Variants in PSD3 observed in about 807,000 individuals in gnomAD.
The protein encoded by PSD3 is PH and SEC7 domain-containing protein 3.
PSD3 carries 49 observed loss-of-function variants against 105.5 expected under a neutral mutation model. The ratio of observed to expected loss-of-function variants is 0.46; its 90% CI spans 0.37 to 0.59. PSD3 has a LOEUF of 0.59. PSD3 is among the 20% of genes least tolerant of loss of function. The probability of loss-of-function intolerance (pLI) is 0.00; values close to 1 mark genes in which losing one functional copy is unlikely to be tolerated. For missense variants in PSD3, 1,561 were observed against 1,263.8 expected (o/e 1.24, Z -3.57); for synonymous variants, 557 against 457.8 (o/e 1.22, Z -2.77).
intron 1 of PSD3, among the ~76,000 whole-genome samples, chr8:18,999,008 G>A (rs1586604753): frequency 6.6e-6 from 1 of 151,948 alleles, no homozygotes; most frequent in Non-Finnish European, 1.5e-5. Context: ...CCAGGTGAAA[G>A]GAAAGCAAAA....
chr8:18,695,945 CG>C (rs1471682574), intron 9 of PSD3, among the ~76,000 whole-genome samples: 1 of 152,148 alleles, frequency 6.6e-6, no homozygotes, highest in East Asian at 1.9e-4. Context: ...GTAACAGGAA[CG>C]GGGGGAATGC....
intron 9 of PSD3, among the ~76,000 whole-genome samples, chr8:18,693,344 G>A (rs556606713): frequency 2.0e-5 from 3 of 152,324 alleles, no homozygotes; most frequent in Non-Finnish European, 2.9e-5. Flanking sequence ...TAAGGCGGCA[G>A]CAAAGCGCAA....
chr8:18,989,126 G>C (rs1178229556), intron 1 of PSD3, among the ~76,000 whole-genome samples: 2 of 152,220 alleles, frequency 1.3e-5, no homozygotes, highest in Non-Finnish European at 2.9e-5. Context: ...AGATGACAAA[G>C]GCCATGAATG....
At chr8:18,572,775 T>C in intron 13 of PSD3, 103 bp from the exon 14 acceptor site, 1 of 1,294,220 alleles carries the variant, frequency 7.7e-7, no homozygotes, top group Non-Finnish European at 1.1e-6. Context: ...GTGAAAATCA[T>C]TTACTCCTCC....
intron 4 of PSD3, among the ~76,000 whole-genome samples, chr8:18,831,737 GAAATA>G (rs1177625013): frequency 2.6e-5 from 4 of 151,944 alleles, no homozygotes; most frequent in Non-Finnish European, 4.4e-5. Flanking sequence ...ATAAACAAAT[GAAATA>G]AAATAAACAA....
chr8:19,051,214 G>C (rs1394863519), intron 1 of PSD3, among the ~76,000 whole-genome samples: 2 of 152,022 alleles, frequency 1.3e-5, no homozygotes, highest in East Asian at 1.9e-4. Context: ...TCCCAATCGG[G>C]GGATGCTCAT....
At chr8:18,986,900 G>A (rs1490219901) in intron 1 of PSD3, among the ~76,000 whole-genome samples, 3 of 152,070 alleles carry the variant, frequency 2.0e-5, no homozygotes, top group Non-Finnish European at 2.9e-5. Context: ...CTCACACACC[G>A]TGGGCCTACT....
chr8:18,621,425 T>G (rs796817064), intron 11 of PSD3, among the ~76,000 whole-genome samples: 7 of 152,144 alleles, frequency 4.6e-5, no homozygotes, highest in African/African-American at 1.4e-4. Context: ...AGACTATTGC[T>G]CCTGATGAGA....
intron 1 of PSD3, among the ~76,000 whole-genome samples, chr8:19,034,529 A>G (rs559175235): frequency 2.0e-5 from 3 of 152,310 alleles, no homozygotes; most frequent in East Asian, 1.9e-4. Flanking sequence ...CCTTTTAAAG[A>G]CAAATACTAT....
At chr8:19,060,367 A>G (rs922104751) in intron 1 of PSD3, among the ~76,000 whole-genome samples, 1 of 152,166 alleles carries the variant, frequency 6.6e-6, no homozygotes, top group African/African-American at 2.4e-5. Flanking sequence ...AGGTTTACTG[A>G]TTTCCTTATA....
chr8:18,584,424 C>G (rs2035683), intron 12 of PSD3, among the ~76,000 whole-genome samples: 118,134 of 152,180 alleles, frequency 0.78, 47,107 homozygotes, highest in South Asian at 0.92. Flanking sequence ...CTTAAGAAGA[C>G]ACTAATGGGA....
intron 9 of PSD3, among the ~76,000 whole-genome samples, chr8:18,712,568 AC>A (rs1802321699): frequency 6.6e-6 from 1 of 152,128 alleles, no homozygotes; most frequent in African/African-American, 2.4e-5. Context: ...CCTTCCCAAG[AC>A]TGAATCAGGA....
At chr8:18,831,964 A>C (rs185954736) in intron 4 of PSD3, among the ~76,000 whole-genome samples, 1 of 152,324 alleles carries the variant, frequency 6.6e-6, no homozygotes, top group African/African-American at 2.4e-5. Flanking sequence ...AAGTTGAAAC[A>C]ATGTCTTTGT....
intron 9 of PSD3, among the ~76,000 whole-genome samples, chr8:18,695,616 G>A (rs1348893667): frequency 6.6e-6 from 1 of 152,116 alleles, no homozygotes; most frequent in Non-Finnish European, 1.5e-5. Flanking sequence ...ATTCCTCCAA[G>A]TACATGAAAC....
intron 11 of PSD3, among the ~76,000 whole-genome samples, chr8:18,611,187 T>G (rs1051338325): frequency 3.3e-5 from 5 of 151,558 alleles, no homozygotes; most frequent in African/African-American, 1.2e-4. Flanking sequence ...TAATTCTGCT[T>G]ATGAATAGGA....
intron 9 of PSD3, among the ~76,000 whole-genome samples, chr8:18,658,967 G>C (rs1809105955): frequency 6.6e-6 from 1 of 152,040 alleles, no homozygotes; most frequent in Non-Finnish European, 1.5e-5. Context: ...TCTCTCAATA[G>C]TAACAACAAC....
chr8:19,002,288 C>T (rs191469241), intron 1 of PSD3, among the ~76,000 whole-genome samples: 1,715 of 152,112 alleles, frequency 0.011, 24 homozygotes, highest in Non-Finnish European at 0.018. Flanking sequence ...ACAACTCCCC[C>T]GTCTTCCTTG....
At chr8:18,764,048 G>A (rs967008916) in intron 9 of PSD3, among the ~76,000 whole-genome samples, 2 of 152,088 alleles carry the variant, frequency 1.3e-5, no homozygotes, top group African/African-American at 4.8e-5. Flanking sequence ...AACCATACAC[G>A]GTTTCATACA....
At chr8:18,948,200 G>C (rs1476589187) in intron 1 of PSD3, among the ~76,000 whole-genome samples, 1 of 152,174 alleles carries the variant, frequency 6.6e-6, no homozygotes, top group East Asian at 1.9e-4. Flanking sequence ...CTGGACCTGT[G>C]TGCTTCTGAT....
Sources: allele counts gnomAD v4.1 joint callset (sites outside exome capture counted in the v4.1 genomes callset), GRCh38; gene constraint gnomAD v4.1.1; transcripts MANE v1.5; gene names NCBI Gene and HGNC (gene_info 2026-07-23, HGNC 2026-07-21).